The following SLC12A1 variants were observed in gnomAD, a reference collection of about 807,000 sequenced individuals.
SLC12A1 encodes Na-K-2Cl cotransporter.
In SLC12A1, 89 loss-of-function variants were observed where a neutral mutation model predicts 130.4. That is an observed-to-expected ratio of 0.68 (90% CI 0.58 to 0.81). SLC12A1 has a LOEUF of 0.81. SLC12A1 is among the 40% of genes least tolerant of loss of function. The pLI is 0.00. For missense variants in SLC12A1, 1,310 were observed against 1,336.4 expected, an observed-to-expected ratio of 0.98 and a Z score of 0.31; for synonymous variants, 499 against 460.0, an observed-to-expected ratio of 1.08 and a Z score of -1.09.
At position 48,226,476 on chromosome 15, in the gene SLC12A1, G is replaced by A; in HGVS notation, c.629G>A (p.Gly210Asp). ...LSWIVGEAGI[G>D]LGVLIILLST... Reference sequence around the variant, plus strand: ...ATCTTCTATCTTTCATTGCTAACAGGTCTTGGAGTTCTCATAATTCTTCTT... The same window carrying A: ...ATCTTCTATCTTTCATTGCTAACAGATCTTGGAGTTCTCATAATTCTTCTT... The change falls in exon 5 of 27, where the codon GGT becomes GAT. Residue 210 changes from glycine to aspartate, a missense_variant and splice_region_variant. Transcript: ENST00000380993. The A allele has an allele frequency of 6.4e-7, 1 of 1,571,702 alleles. No individual in the cohort carries two copies. Among genetic ancestry groups the A allele is most frequent in the South Asian group, 1.2e-5 (1 of 86,532 alleles).
chr15:48,242,815 T>C (rs1185091400), intron 10 of SLC12A1, among the ~76,000 whole-genome samples: 1 of 151,718 alleles, frequency 6.6e-6, no homozygotes, highest in African/African-American at 2.4e-5. Flanking sequence ...AATAAATAAA[T>C]AGGTAGATAA....
At chr15:48,226,359 G>T (rs550155304) in intron 4 of SLC12A1, 117 bp from the exon 5 acceptor site, 1 of 620,252 alleles carries the variant, frequency 1.6e-6, no homozygotes, top group Admixed American at 3.5e-5. Context: ...AAGAAACCCC[G>T]TTGGAGCCCG....
At chr15:48,273,663 T>C (rs1390208859) in intron 19 of SLC12A1, among the ~76,000 whole-genome samples, 1 of 152,198 alleles carries the variant, frequency 6.6e-6, no homozygotes, top group East Asian at 1.9e-4. Flanking sequence ...TAAGTAAAGA[T>C]TACTTATGGT....
At chr15:48,248,245 G>A (rs2041606220) in intron 13 of SLC12A1, among the ~76,000 whole-genome samples, 1 of 152,092 alleles carries the variant, frequency 6.6e-6, no homozygotes, top group African/African-American at 2.4e-5. Context: ...ACTCAGGAAG[G>A]GACTATAATT....
intron 8 of SLC12A1, among the ~76,000 whole-genome samples, chr15:48,233,090 A>G (rs113563260): frequency 2.6e-5 from 4 of 152,356 alleles, no homozygotes; most frequent in African/African-American, 9.6e-5. Context: ...ACCAGAAAAT[A>G]TATGAGTTTA....
chr15:48,211,669 C>T (rs2041053536), intron 2 of SLC12A1, among the ~76,000 whole-genome samples: 1 of 152,206 alleles, frequency 6.6e-6, no homozygotes, highest in African/African-American at 2.4e-5. Flanking sequence ...ATAGCACATT[C>T]ATACCGAATG....
intron 2 of SLC12A1, among the ~76,000 whole-genome samples, chr15:48,219,591 T>C (rs1208907440): frequency 1.1e-5 from 1 of 87,760 alleles, no homozygotes; most frequent in African/African-American, 3.8e-5. Flanking sequence ...AAAAGAAAGA[T>C]GAAAGAAAGA....
At chr15:48,227,335 A>T in intron 5 of SLC12A1, 2 of 622,824 alleles carry the variant, frequency 3.2e-6, no homozygotes, top group East Asian at 5.5e-5. Context: ...TTCTCAACTA[A>T]AATTGGAATA....
At chr15:48,275,848 G>C (rs1287866587) in intron 20 of SLC12A1, among the ~76,000 whole-genome samples, 3 of 152,156 alleles carry the variant, frequency 2.0e-5, no homozygotes, top group Admixed American at 6.6e-5. Flanking sequence ...TAGGTAATGA[G>C]GAACCATCAG....
At position 48,256,824 on chromosome 15, in the gene SLC12A1, C is replaced by A. The variant is rs557869685; in HGVS notation, c.2042+914C>A. ...CAAACCATATCATTCCATCCCTGGC[C>A]CCCCCCCCCAAATTTCTTGTCCTCA... On this transcript the variant is annotated intron_variant, in intron 16 of 26. Coordinates refer to ENST00000380993, the MANE Select transcript of SLC12A1 (RefSeq NM_000338.3). Among the ~76,000 whole-genome samples, 74 of 132,956 alleles carry A rather than the reference C, an allele frequency of 5.6e-4. 1 individual carries two copies. The highest frequency in any genetic ancestry group is 8.6e-4 in the Non-Finnish European group (54 of 62,572). The allele number at this position is 132,956 out of a possible 152,430, so 87.2% of individuals were successfully genotyped here. A position where few individuals can be genotyped will look rare whatever the true frequency, so the allele number is the denominator to read the frequency against.
chr15:48,301,710 G>A (rs1422435288), intron 26 of SLC12A1, among the ~76,000 whole-genome samples: 2 of 152,020 alleles, frequency 1.3e-5, no homozygotes, highest in African/African-American at 4.8e-5. Flanking sequence ...ACAAGTCAGC[G>A]ACCACAGCTC....
At chr15:48,280,210 A>C (rs2041996896) in intron 20 of SLC12A1, among the ~76,000 whole-genome samples, 1 of 152,238 alleles carries the variant, frequency 6.6e-6, no homozygotes, top group East Asian at 1.9e-4. Context: ...ATTTGAAGCA[A>C]TCTTGACAAG....
chr15:48,206,338 G>A lies in SLC12A1; in HGVS notation c.-187+8G>A, dbSNP rs1009537746. ...GAAGAAGGCTCCTTGGTGGTAAGTT[G>A]AACATTTCTGGGCAGGGTAAAAATC... On this transcript the variant is annotated splice_region_variant and intron_variant, in intron 1 of 26. Coordinates refer to ENST00000380993, the MANE Select transcript of SLC12A1 (RefSeq NM_000338.3). 2 of 152,190 alleles carry A rather than the reference G, an allele frequency of 1.3e-5. No individual in the cohort carries two copies. The highest frequency in any genetic ancestry group is 4.8e-5 in the African/African-American group (2 of 41,436). The allele number at this position is 152,190 out of a possible 1,614,324, so 9.4% of individuals were successfully genotyped here.
intron 24 of SLC12A1, 139 bp from the exon 25 acceptor site, chr15:48,299,001 C>A: frequency 2.6e-6 from 2 of 766,456 alleles, no homozygotes; most frequent in East Asian, 2.8e-5. Context: ...AGTAAATTCC[C>A]TGCAAAGATA....
chr15:48,209,471 T>G lies in SLC12A1; in HGVS notation c.420+1332T>G, dbSNP rs139661100. 6.6e-5 allele frequency among the ~76,000 whole-genome samples: 10 copies of G among 152,352 alleles called. No homozygotes were observed. In the East Asian group the frequency reaches 1.9e-3, roughly 29 times the overall value. On this transcript the variant is annotated intron_variant, in intron 2 of 26. Coordinates refer to ENST00000380993, the MANE Select transcript of SLC12A1 (RefSeq NM_000338.3). ...CCAGACCAGTTTGGAATAAATATCA[T>G]TCTTTATAAAACACAATTACCTGCT...
intron 24 of SLC12A1, among the ~76,000 whole-genome samples, chr15:48,297,678 T>C (rs1171282885): frequency 6.6e-6 from 1 of 152,230 alleles, no homozygotes; most frequent in Non-Finnish European, 1.5e-5. Context: ...GTAAAGTGAA[T>C]ATCTTGCCTT....
chr15:48,257,401 G>T (rs2041720194), intron 16 of SLC12A1, among the ~76,000 whole-genome samples: 2 of 152,140 alleles, frequency 1.3e-5, no homozygotes, highest in South Asian at 4.1e-4. Context: ...CTGTCTGGGG[G>T]CTCCGACCCC....
intron 2 of SLC12A1, among the ~76,000 whole-genome samples, chr15:48,214,817 T>C (rs1225140253): frequency 6.6e-6 from 1 of 152,140 alleles, no homozygotes; most frequent in Non-Finnish European, 1.5e-5. Flanking sequence ...TTGTTGAAAC[T>C]CAATAATGAG....
intron 20 of SLC12A1, among the ~76,000 whole-genome samples, chr15:48,280,920 A>G (rs577469621): frequency 1.6e-4 from 24 of 152,322 alleles, no homozygotes; most frequent in African/African-American, 5.3e-4. Context: ...TTATAAAGAC[A>G]GTACTTTCAA....
Sources: gnomAD v4.1 joint callset for allele counts (sites outside exome capture counted in the v4.1 genomes callset) on GRCh38, gnomAD v4.1.1 for gene constraint, MANE v1.5 for transcripts, NCBI Gene and HGNC (gene_info 2026-07-23, HGNC 2026-07-21) for gene names.